The following FAM91A1 variants were observed in gnomAD, a reference collection of about 807,000 sequenced individuals.
FAM91A1 encodes family with sequence similarity 91 member A1, also known as protein FAM91A1.
In FAM91A1, 41 loss-of-function variants were observed where a neutral mutation model predicts 113.5. That is an observed-to-expected ratio of 0.36 (90% confidence interval 0.28 to 0.47). The LOEUF (loss-of-function observed/expected upper bound fraction) is 0.47. Among genes scored for constraint, FAM91A1 ranks in the 20% least tolerant of loss-of-function variants. The probability of loss-of-function intolerance (pLI) is 1.00; values close to 1 mark genes in which losing one functional copy is unlikely to be tolerated. For synonymous variants in FAM91A1, 307 were observed against 347.9 expected (o/e 0.88, Z 1.31); for missense variants, 696 against 1,001.2 (o/e 0.70, Z 4.11).
At chr8:123,798,937 TCTAA>T (rs1181770506) in intron 16 of FAM91A1, among the ~76,000 whole-genome samples, 1 of 152,224 alleles carries the variant, frequency 6.6e-6, no homozygotes, top group Middle Eastern at 3.2e-3. Context: ...GAGATTTGCA[TCTAA>T]CTAACCTTTT....
At chr8:123,793,883 A>G (rs1699963950) in intron 15 of FAM91A1, among the ~76,000 whole-genome samples, 1 of 152,238 alleles carries the variant, frequency 6.6e-6, no homozygotes, top group Admixed American at 6.5e-5. Context: ...TTAACGTTAA[A>G]TATCTCTTTT....
chr8:123,787,180 C>T, intron 12 of FAM91A1, 81 bp from the exon 13 acceptor site: 1 of 1,067,520 alleles, frequency 9.4e-7, no homozygotes, highest in Non-Finnish European at 1.4e-6. Context: ...TCAAATAAAG[C>T]TGAAATGAAA....
At chr8:123,810,153 T>A in intron 22 of FAM91A1, 129 bp from the exon 23 acceptor site, 1 of 823,290 alleles carries the variant, frequency 1.2e-6, no homozygotes, top group South Asian at 2.3e-5. Context: ...CTGAAATTGT[T>A]TTTTAAGATG....
At chr8:123,808,429 C>A in intron 21 of FAM91A1, 53 bp downstream of exon 21, 2 of 1,478,674 alleles carry the variant, frequency 1.4e-6, no homozygotes, top group Non-Finnish European at 1.9e-6. Context: ...TGAGGTTTAA[C>A]TTTTATGTTA....
At chr8:123,777,657 T>TA (rs567960935) in intron 4 of FAM91A1, among the ~76,000 whole-genome samples, 1 of 152,238 alleles carries the variant, frequency 6.6e-6, no homozygotes, top group Non-Finnish European at 1.5e-5. Flanking sequence ...CAGGGTGACA[T>TA]ACAGTTTTTA....
chr8:123,787,835 A>G (rs1243961372), intron 14 of FAM91A1, 85 bp downstream of exon 14: 15 of 1,060,462 alleles, frequency 1.4e-5, no homozygotes, highest in Admixed American at 2.6e-5. Flanking sequence ...CAGTCTGTTG[A>G]TTTGGATGGG....
At chr8:123,795,597 C>G (rs780184639) in intron 15 of FAM91A1, among the ~76,000 whole-genome samples, 1 of 152,150 alleles carries the variant, frequency 6.6e-6, no homozygotes, top group Non-Finnish European at 1.5e-5. Flanking sequence ...GAACCATGAG[C>G]CAATTAAACC....
intron 15 of FAM91A1, among the ~76,000 whole-genome samples, chr8:123,797,501 A>G (rs190618589): frequency 6.6e-6 from 1 of 152,186 alleles, no homozygotes; most frequent in Admixed American, 6.5e-5. Flanking sequence ...TCTTCAGCCT[A>G]TTTACTGTGA....
chr8:123,809,385 G>A (rs1017316895), intron 22 of FAM91A1, among the ~76,000 whole-genome samples: 2 of 152,138 alleles, frequency 1.3e-5, no homozygotes, highest in East Asian at 3.8e-4. Context: ...ACACACTCAT[G>A]TTATATTCTG....
chr8:123,805,409 A>G lies in FAM91A1; in HGVS notation c.1882+70A>G, dbSNP rs1024526057. 2.6e-5 allele frequency: 32 copies of G among 1,213,034 alleles called. No homozygotes were observed. The African/African-American group carries it at 4.5e-4, about 17-fold the overall frequency. The allele number at this position is 1,213,034 out of a possible 1,614,324, so 75.1% of individuals were successfully genotyped here. On this transcript the variant is annotated intron_variant, in intron 19 of 23. Coordinates refer to ENST00000334705, the MANE Select transcript of FAM91A1 (RefSeq NM_144963.4). ...ATTACTCATGTCAACAGTTTGGTGG[A>G]AAACATGGCAGGAAATGAATTCTTG...
intron 20 of FAM91A1, among the ~76,000 whole-genome samples, chr8:123,807,180 C>T (rs1815832261): frequency 6.6e-6 from 1 of 152,124 alleles, no homozygotes; most frequent in African/African-American, 2.4e-5. Flanking sequence ...TCTCATTTGT[C>T]TTTGGCCAAA....
intron 15 of FAM91A1, among the ~76,000 whole-genome samples, chr8:123,796,329 C>T (rs1329577315): frequency 6.6e-6 from 1 of 152,086 alleles, no homozygotes; most frequent in Non-Finnish European, 1.5e-5. Flanking sequence ...AGCCATCAAG[C>T]CTAAAATAAT....
rs186169817 is a variant in FAM91A1 at position 123,785,487 on chromosome 8, A to G, written c.850-142A>G. 1.7e-4 allele frequency: 108 copies of G among 638,096 alleles called. No individual in the cohort carries two copies. In the African/African-American group the frequency reaches 1.9e-3, roughly 11 times the overall value. The allele number at this position is 638,096 out of a possible 1,614,324, so 39.5% of individuals were successfully genotyped here. A position where few individuals can be genotyped will look rare whatever the true frequency, so the allele number is the denominator to read the frequency against. Reference sequence around the variant, plus strand: ...TTTATGAAGACTTCAAGGGAGGAGCAGGTCTACTGAAAATAGTTTCTGGTT... The same window carrying G: ...TTTATGAAGACTTCAAGGGAGGAGCGGGTCTACTGAAAATAGTTTCTGGTT... On this transcript the variant is annotated intron_variant, in intron 10 of 23. Transcript: ENST00000334705.
intron 5 of FAM91A1, among the ~76,000 whole-genome samples, chr8:123,778,306 A>G (rs139366861): frequency 1.3e-5 from 2 of 152,248 alleles, no homozygotes; most frequent in African/African-American, 4.8e-5. Flanking sequence ...TTTAAAAATT[A>G]TTTTTGTTCT....
At chr8:123,789,541 A>G in intron 14 of FAM91A1, 72 bp from the exon 15 acceptor site, 3 of 1,594,242 alleles carry the variant, frequency 1.9e-6, no homozygotes, top group Admixed American at 1.8e-5. Flanking sequence ...TTATATCTCT[A>G]TTATATGATT....
chr8:123,789,463 A>C (rs1235613420), intron 14 of FAM91A1, 150 bp from the exon 15 acceptor site: 4 of 1,065,228 alleles, frequency 3.8e-6, no homozygotes, highest in Non-Finnish European at 5.4e-6. Context: ...CTCAACCAAG[A>C]CTGAGGTTAA....
rs1030194700 is a variant in FAM91A1 at position 123,787,450 on chromosome 8, CT to C, written c.1191+83del. 15 of 1,205,016 alleles carry C rather than the reference CT, an allele frequency of 1.2e-5. No homozygotes were observed. The African/African-American group carries it at 1.7e-4, about 14-fold the overall frequency. 74.6% of individuals were successfully genotyped at this position (1,205,016 alleles called of 1,614,324 possible). ...ATAAAATAATTTAATGCTTTTATATCTTTTTTAAAGTACTACATTTATTCCC... is the reference window on the plus strand; with the variant it reads ...ATAAAATAATTTAATGCTTTTATATCTTTTTAAAGTACTACATTTATTCCC... On this transcript the variant is annotated intron_variant, in intron 13 of 23. Coordinates refer to ENST00000334705, the MANE Select transcript of FAM91A1 (RefSeq NM_144963.4).
At chr8:123,778,583 A>G in intron 5 of FAM91A1, 76 bp from the exon 6 acceptor site, 2 of 997,944 alleles carry the variant, frequency 2.0e-6, no homozygotes, top group South Asian at 2.7e-5. Flanking sequence ...ATTAGAAACA[A>G]TCTTATGATA....
chr8:123,794,884 TA>T (rs1815473797), intron 15 of FAM91A1, among the ~76,000 whole-genome samples: 1 of 152,210 alleles, frequency 6.6e-6, no homozygotes, highest in Non-Finnish European at 1.5e-5. Flanking sequence ...TCAAGATAGG[TA>T]AATCCAGTGT....
Sources: allele counts gnomAD v4.1 joint callset (sites outside exome capture counted in the v4.1 genomes callset), GRCh38; gene constraint gnomAD v4.1.1; transcripts MANE v1.5; gene names NCBI Gene and HGNC (gene_info 2026-07-23, HGNC 2026-07-21).